Variants in ERG observed in about 807,000 individuals in gnomAD.
ERG encodes the protein transcriptional regulator ERG.
In ERG, 9 loss-of-function variants were observed where a neutral mutation model predicts 55.3. The ratio of observed to expected loss-of-function variants is 0.16; its 90% CI spans 0.10 to 0.28. The LOEUF is 0.28. ERG is among the 10% of genes least tolerant of loss of function. ERG has a pLI of 1.00. For missense variants in ERG, 434 were observed against 631.6 expected (o/e 0.69, Z 3.35); for synonymous variants, 223 against 237.3 (o/e 0.94, Z 0.55).
At chr21:38,388,880 A>G (rs1987834027) in intron 9 of ERG, among the ~76,000 whole-genome samples, 1 of 152,174 alleles carries the variant, frequency 6.6e-6, no homozygotes, top group Non-Finnish European at 1.5e-5. Context: ...CCCTTGTGAA[A>G]GCTGGCACTT....
At chr21:38,508,416 T>TGTAAGAAC (rs2059486399) in intron 2 of ERG, among the ~76,000 whole-genome samples, 1 of 152,114 alleles carries the variant, frequency 6.6e-6, no homozygotes, top group South Asian at 2.1e-4. Context: ...AAATACCGGC[T>TGTAAGAAC]GTAAGAACGA....
intron 2 of ERG, among the ~76,000 whole-genome samples, chr21:38,556,216 C>T (rs1327392327): frequency 6.6e-6 from 1 of 151,976 alleles, no homozygotes; most frequent in Non-Finnish European, 1.5e-5. Flanking sequence ...GTTACTATGA[C>T]CTCTTTTGGC....
chr21:38,643,634 G>A (rs113304407), intron 1 of ERG, among the ~76,000 whole-genome samples: 86 of 152,212 alleles, frequency 5.7e-4, no homozygotes, highest in African/African-American at 2.0e-3. Flanking sequence ...CCAAACCACA[G>A]GGGCAACACT....
intron 2 of ERG, among the ~76,000 whole-genome samples, chr21:38,442,469 G>A (rs370225161): frequency 1.3e-5 from 2 of 152,212 alleles, no homozygotes; most frequent in East Asian, 1.9e-4. Context: ...GACCCTCAGC[G>A]CAGCACCAGC....
intron 1 of ERG, among the ~76,000 whole-genome samples, chr21:38,593,742 T>C (rs1353341059): frequency 6.6e-6 from 1 of 152,082 alleles, no homozygotes; most frequent in Non-Finnish European, 1.5e-5. Context: ...AAAGCAAAAC[T>C]CCCAAGTACA....
chr21:38,505,101 G>A (rs1401991514), intron 2 of ERG, among the ~76,000 whole-genome samples: 3 of 152,182 alleles, frequency 2.0e-5, no homozygotes, highest in African/African-American at 7.2e-5. Flanking sequence ...CTCATTTGAT[G>A]ATTTATTTAC....
chr21:38,379,975 G>C (rs1462867562), downstream of ERG: 1 of 998,450 alleles, frequency 1.0e-6, no homozygotes, highest in Non-Finnish European at 1.2e-6. Flanking sequence ...ACAGGTGTGA[G>C]TCAACAAGAT....
chr21:38,589,337 G>C (rs1454482120), upstream of ERG, among the ~76,000 whole-genome samples: 15 of 152,202 alleles, frequency 9.9e-5, no homozygotes. Context: ...CCACAGAGCA[G>C]CCTGCTTTTT....
chr21:38,422,885 A>C (rs1314161275), intron 3 of ERG, among the ~76,000 whole-genome samples: 1 of 152,222 alleles, frequency 6.6e-6, no homozygotes, highest in Non-Finnish European at 1.5e-5. Flanking sequence ...TTTTAAAAAC[A>C]AACAAGTCTA....
intron 2 of ERG, among the ~76,000 whole-genome samples, chr21:38,424,537 T>C (rs956823308): frequency 3.9e-5 from 6 of 152,108 alleles, no homozygotes; most frequent in East Asian, 1.9e-4. Context: ...TGACAACTGA[T>C]TGGGGACACT....
In ERG at chr21:38,636,534, T is replaced by C. The variant is rs543452131; in HGVS notation, c.-150+25124A>G. Among the ~76,000 whole-genome samples the C allele has an allele frequency of 2.6e-5, 4 of 152,266 alleles. No homozygotes were observed. In the South Asian group the frequency reaches 8.3e-4, roughly 32 times the overall value. Reference sequence around the variant, plus strand: ...GCATCTGGTTCCTTTTCCCTGAAGGTATTTACTCAAGCCAAGGAATGAAGC... The same window carrying C: ...GCATCTGGTTCCTTTTCCCTGAAGGCATTTACTCAAGCCAAGGAATGAAGC... On this transcript the variant is annotated intron_variant, in intron 1 of 10. Transcript: ENST00000398910.
At chr21:38,411,398 ACCTCTG>A (rs1989039541) in intron 3 of ERG, among the ~76,000 whole-genome samples, 3 of 152,214 alleles carry the variant, frequency 2.0e-5, no homozygotes, top group Admixed American at 2.0e-4. Flanking sequence ...GCTCACTGCA[ACCTCTG>A]CCTCCCAGGT....
At chr21:38,660,365 C>G (rs76967855) in intron 1 of ERG, among the ~76,000 whole-genome samples, 1,954 of 152,270 alleles carry the variant, frequency 0.013, 32 homozygotes, top group African/African-American at 0.045. Flanking sequence ...ACTGGCGAGC[C>G]GTCCCTCCCG....
At chr21:38,498,811 G>C (rs1272524221), upstream of ERG, among the ~76,000 whole-genome samples, 1 of 152,150 alleles carries the variant, frequency 6.6e-6, no homozygotes, top group Non-Finnish European at 1.5e-5. The surrounding 1 kb of genome is among the most constrained non-coding windows in gnomAD (Gnocchi z 4.6). Flanking sequence ...CCAAGGCGTT[G>C]AGGGCACCCC....
intron 6 of ERG, among the ~76,000 whole-genome samples, chr21:38,397,418 T>C (rs1003889244): frequency 1.3e-5 from 2 of 151,070 alleles, no homozygotes; most frequent in African/African-American, 2.4e-5. Context: ...ACCAATATGG[T>C]GAAACCCTAT....
chr21:38,549,571 G>A (rs1441279164), intron 2 of ERG, among the ~76,000 whole-genome samples: 1 of 152,110 alleles, frequency 6.6e-6, no homozygotes, highest in Admixed American at 6.6e-5. Context: ...TTGCATTTAC[G>A]CTTCTTAGGT....
At chr21:38,553,178 G>T (rs181641493) in intron 2 of ERG, among the ~76,000 whole-genome samples, 1 of 152,124 alleles carries the variant, frequency 6.6e-6, no homozygotes, top group Admixed American at 6.6e-5. Flanking sequence ...AAAGATCAAA[G>T]AAATCAGAGA....
chr21:38,624,668 A>G (rs1395467438), intron 1 of ERG, among the ~76,000 whole-genome samples: 1 of 152,158 alleles, frequency 6.6e-6, no homozygotes, highest in Non-Finnish European at 1.5e-5. Flanking sequence ...CACTGGCTAT[A>G]TGACCTTGGA....
At chr21:38,573,457 G>A (rs1046649498) in intron 2 of ERG, among the ~76,000 whole-genome samples, 12 of 152,176 alleles carry the variant, frequency 7.9e-5, no homozygotes, top group African/African-American at 1.7e-4. Flanking sequence ...GAGAAAAACC[G>A]CCCTATGGTG....
Sources: allele counts gnomAD v4.1 joint callset (sites outside exome capture counted in the v4.1 genomes callset), GRCh38; gene constraint gnomAD v4.1.1; non-coding constraint Gnocchi (gnomAD v3.1); transcripts MANE v1.5; gene names NCBI Gene and HGNC (gene_info 2026-07-23, HGNC 2026-07-21).